The following COLEC10 variants were observed in gnomAD, a reference collection of about 807,000 sequenced individuals.
COLEC10 encodes the protein collectin subfamily member 10.
In COLEC10, 22 loss-of-function variants were observed where a neutral mutation model predicts 28.4. The observed-to-expected ratio is 0.78, with a 90% CI of 0.55 to 1.11. COLEC10 has a LOEUF of 1.11. Among genes scored for constraint, COLEC10 ranks in the 50% least tolerant of loss-of-function variants. The pLI is 0.00. For synonymous variants in COLEC10, 125 were observed against 116.1 expected, an observed-to-expected ratio of 1.08 and a Z score of -0.49; for missense variants, 361 against 344.1, an observed-to-expected ratio of 1.05 and a Z score of -0.39.
At chr8:119,040,520 T>C (rs1459545193) in intron 2 of COLEC10, among the ~76,000 whole-genome samples, 1 of 152,144 alleles carries the variant, frequency 6.6e-6, no homozygotes, top group Non-Finnish European at 1.5e-5. Context: ...ATTTGTGGCA[T>C]GTAGGGAGAG....
the COLEC10 span, among the ~76,000 whole-genome samples, chr8:118,990,018 T>C: frequency 0.068 from 10,278 of 152,098 alleles, 608 homozygotes; most frequent in East Asian, 0.17. Context: ...ACCTGTACTA[T>C]ATATGTAGAT....
At chr8:119,012,751 A>G (rs981563868) in intron 2 of COLEC10, among the ~76,000 whole-genome samples, 1 of 150,492 alleles carries the variant, frequency 6.6e-6, no homozygotes, top group Non-Finnish European at 1.5e-5. Flanking sequence ...TCAAATATGT[A>G]GGAACAAATT....
intron 2 of COLEC10, among the ~76,000 whole-genome samples, chr8:119,021,615 C>A (rs1310407291): frequency 6.6e-6 from 1 of 152,154 alleles, no homozygotes; most frequent in African/African-American, 2.4e-5. Context: ...ACTTACTGAG[C>A]AACACCACTT....
intron 3 of COLEC10, 29 bp from the exon 4 acceptor site, chr8:119,102,319 T>C (rs1168765822): frequency 2.7e-6 from 4 of 1,490,534 alleles, no homozygotes; most frequent in Non-Finnish European, 2.8e-6. Flanking sequence ...TAATTTTATT[T>C]TATTTTGGTT....
chr8:119,100,218 G>T (rs1815797345), intron 3 of COLEC10, among the ~76,000 whole-genome samples: 1 of 152,070 alleles, frequency 6.6e-6, no homozygotes, highest in African/African-American at 2.4e-5. Context: ...GGTTAGAAAT[G>T]GTTGGGCTGG....
At chr8:119,025,617 A>T (rs2130116737) in intron 2 of COLEC10, among the ~76,000 whole-genome samples, 2 of 152,294 alleles carry the variant, frequency 1.3e-5, no homozygotes, top group South Asian at 4.1e-4. Context: ...AGGCTTGACC[A>T]CATCACAGTG....
intron 2 of COLEC10, among the ~76,000 whole-genome samples, chr8:119,026,921 G>A (rs1277782629): frequency 6.6e-6 from 1 of 152,162 alleles, no homozygotes; most frequent in Non-Finnish European, 1.5e-5. Context: ...TGGGCAATGT[G>A]ACTTCTAATG....
chr8:119,005,719 T>C (rs1377831694), intron 1 of COLEC10, among the ~76,000 whole-genome samples: 1 of 152,160 alleles, frequency 6.6e-6, no homozygotes, highest in African/African-American at 2.4e-5. Context: ...AAAGCTAGAT[T>C]ACTCATAGAT....
the COLEC10 span, among the ~76,000 whole-genome samples, chr8:118,961,608 C>T: frequency 6.6e-6 from 1 of 152,188 alleles, no homozygotes; most frequent in Non-Finnish European, 1.5e-5. Context: ...CCTCTCCACC[C>T]ATCTCTTACT....
chr8:119,043,185 ATTCTGT>A (rs1407603578), intron 2 of COLEC10, among the ~76,000 whole-genome samples: 3 of 152,320 alleles, frequency 2.0e-5, no homozygotes, highest in South Asian at 2.1e-4. Context: ...TTTATGATGA[ATTCTGT>A]TTCTGTTTCT....
intron 3 of COLEC10, among the ~76,000 whole-genome samples, chr8:119,100,919 C>T (rs1380033850): frequency 6.6e-6 from 1 of 152,156 alleles, no homozygotes; most frequent in African/African-American, 2.4e-5. Flanking sequence ...GTCCACATGG[C>T]TCAGTTTAGA....
At chr8:119,007,355 T>C (rs57733873) in intron 1 of COLEC10, among the ~76,000 whole-genome samples, 6,700 of 152,222 alleles carry the variant, frequency 0.044, 216 homozygotes, top group East Asian at 0.16. Flanking sequence ...AATTTTACTA[T>C]AATCTCTTTC....
chr8:118,986,112 CA>C, the COLEC10 span, among the ~76,000 whole-genome samples: 1 of 152,038 alleles, frequency 6.6e-6, no homozygotes, highest in African/African-American at 2.4e-5. Flanking sequence ...TGATGAATAT[CA>C]ATATTAATAC....
intron 2 of COLEC10, among the ~76,000 whole-genome samples, chr8:119,034,828 C>G: frequency 6.6e-6 from 1 of 152,170 alleles, no homozygotes; most frequent in Non-Finnish European, 1.5e-5. Flanking sequence ...AGATAATATT[C>G]CTGAACCTCC....
intron 2 of COLEC10, among the ~76,000 whole-genome samples, chr8:119,033,503 A>C (rs577079390): frequency 1.1e-3 from 161 of 152,316 alleles, no homozygotes; most frequent in African/African-American, 3.2e-3. Flanking sequence ...TCCATCTGAC[A>C]AAGGGCTAAT....
chr8:119,025,860 A>G (rs1814181015), intron 2 of COLEC10, among the ~76,000 whole-genome samples: 1 of 152,170 alleles, frequency 6.6e-6, no homozygotes, highest in African/African-American at 2.4e-5. Context: ...GGCATAATTT[A>G]CAATCACACC....
chr8:119,036,684 C>T (rs1814394488), intron 2 of COLEC10, among the ~76,000 whole-genome samples: 1 of 151,910 alleles, frequency 6.6e-6, no homozygotes, highest in Non-Finnish European at 1.5e-5. Context: ...TAGTCAGGGT[C>T]CAAACAGGAA....
At chr8:118,997,972 C>T (rs1563711652) in intron 1 of COLEC10, among the ~76,000 whole-genome samples, 1 of 152,104 alleles carries the variant, frequency 6.6e-6, no homozygotes, top group South Asian at 2.1e-4. Flanking sequence ...TCTTGTACTC[C>T]ATTAAGGTGG....
chr8:119,061,565 T>C (rs1453961245), intron 2 of COLEC10, among the ~76,000 whole-genome samples: 3 of 151,992 alleles, frequency 2.0e-5, no homozygotes, highest in Non-Finnish European at 2.9e-5. Context: ...GAAAATAGAA[T>C]ATCTTTATAC....
Sources: allele counts gnomAD v4.1 joint callset (sites outside exome capture counted in the v4.1 genomes callset), GRCh38; gene constraint gnomAD v4.1.1; transcripts MANE v1.5; gene names NCBI Gene and HGNC (gene_info 2026-07-23, HGNC 2026-07-21).